The following CRACR2A variants were observed in gnomAD, a reference collection of about 807,000 sequenced individuals.
CRACR2A encodes EF-hand calcium-binding domain-containing protein 4B.
CRACR2A carries 79 observed loss-of-function variants against 90.5 expected under a neutral mutation model. The ratio of observed to expected loss-of-function variants is 0.87; its 90% CI spans 0.73 to 1.05. CRACR2A has a LOEUF of 1.05. Among genes scored for constraint, CRACR2A ranks in the 50% least tolerant of loss-of-function variants. The pLI, the probability that CRACR2A is intolerant of heterozygous loss-of-function variation, is 0.00. For missense variants in CRACR2A, 823 were observed against 897.2 expected (o/e 0.92, Z 1.06); for synonymous variants, 338 against 356.7 (o/e 0.95, Z 0.59).
intron 4 of CRACR2A, among the ~76,000 whole-genome samples, chr12:3,685,317 G>A (rs1419325609): frequency 6.6e-6 from 1 of 152,216 alleles, no homozygotes; most frequent in Non-Finnish European, 1.5e-5. Flanking sequence ...GTATAAAATG[G>A]TATGGTGTCT....
At chr12:3,659,787 A>T (rs1394904044) in intron 7 of CRACR2A, 133 bp from the exon 8 acceptor site, 4 of 686,520 alleles carry the variant, frequency 5.8e-6, no homozygotes, top group Non-Finnish European at 1.0e-5. Flanking sequence ...AGGTCAGCCA[A>T]CGCTATAAGA....
At chr12:3,698,950 C>A (rs1405319206) in intron 3 of CRACR2A, among the ~76,000 whole-genome samples, 1 of 152,164 alleles carries the variant, frequency 6.6e-6, no homozygotes, top group Non-Finnish European at 1.5e-5. Context: ...AGAGGCCCCA[C>A]CCTACTCCCA....
At chr12:3,718,438 T>C (rs1175155456) in intron 2 of CRACR2A, among the ~76,000 whole-genome samples, 1 of 152,174 alleles carries the variant, frequency 6.6e-6, no homozygotes. Context: ...CTTGGGGGGA[T>C]GGCAGAGTCT....
intron 14 of CRACR2A, among the ~76,000 whole-genome samples, chr12:3,635,442 G>A (rs975903660): frequency 1.3e-5 from 2 of 152,156 alleles, no homozygotes; most frequent in African/African-American, 2.4e-5. Flanking sequence ...ATACACAAAA[G>A]TAGAGAGGAA....
At chr12:3,683,960 T>TGA (rs1945505415) in intron 4 of CRACR2A, among the ~76,000 whole-genome samples, 1 of 152,132 alleles carries the variant, frequency 6.6e-6, no homozygotes, top group South Asian at 2.1e-4. Flanking sequence ...ACCTAGAACA[T>TGA]GAGGCATCTA....
intron 10 of CRACR2A, among the ~76,000 whole-genome samples, chr12:3,653,270 C>T (rs112668954): frequency 3.3e-4 from 51 of 152,274 alleles, no homozygotes; most frequent in African/African-American, 8.9e-4. Flanking sequence ...CGTGAGCCAC[C>T]GCGCCTGGCC....
intron 7 of CRACR2A, among the ~76,000 whole-genome samples, chr12:3,669,067 T>G (rs1945196092): frequency 6.6e-6 from 1 of 152,238 alleles, no homozygotes; most frequent in Non-Finnish European, 1.5e-5. Flanking sequence ...AGCCTAGGGC[T>G]GGCCTTTGAT....
At chr12:3,623,732 T>C (rs1944200298) in intron 17 of CRACR2A, among the ~76,000 whole-genome samples, 1 of 152,208 alleles carries the variant, frequency 6.6e-6, no homozygotes, top group South Asian at 2.1e-4. Flanking sequence ...ACAGAGGGCA[T>C]CTGCTGGGCC....
At chr12:3,652,180 T>TGA (rs1944805757) in intron 10 of CRACR2A, among the ~76,000 whole-genome samples, 1 of 151,634 alleles carries the variant, frequency 6.6e-6, no homozygotes, top group African/African-American at 2.4e-5. Flanking sequence ...CCTCATGCTG[T>TGA]GATGTGATGC....
At chr12:3,617,949 C>T (rs1215886104) in intron 18 of CRACR2A, among the ~76,000 whole-genome samples, 1 of 152,184 alleles carries the variant, frequency 6.6e-6, no homozygotes, top group African/African-American at 2.4e-5. Flanking sequence ...TCTATTTCTC[C>T]TTGTCTGCAT....
chr12:3,631,343 C>T lies in CRACR2A; in HGVS notation c.1735+2261G>A, dbSNP rs149314369. 3.6e-3 allele frequency among the ~76,000 whole-genome samples: 543 copies of T among 152,262 alleles called. 3 individuals are homozygous for T. The highest frequency in any genetic ancestry group is 0.012 in the African/African-American group (513 of 41,564). On this transcript the variant is annotated intron_variant, in intron 15 of 19. Transcript: ENST00000440314. ...CAGGGCCACAAGTCGAAAATGTAAA[C>T]GGATCCTGATTTTGTTGTCAGGAGA...
chr12:3,658,545 C>T (rs1944960084), intron 8 of CRACR2A, among the ~76,000 whole-genome samples: 1 of 152,158 alleles, frequency 6.6e-6, no homozygotes, highest in African/African-American at 2.4e-5. Flanking sequence ...GCTGACAAGC[C>T]TCCAGAGGGC....
intron 2 of CRACR2A, chr12:3,730,933 A>G (rs1224866944): frequency 2.0e-5 from 3 of 152,248 alleles, no homozygotes; most frequent in Non-Finnish European, 4.4e-5. Flanking sequence ...TGTATTGCTT[A>G]TTTGAAAAAT....
chr12:3,667,309 C>T (rs1945167372), intron 7 of CRACR2A, among the ~76,000 whole-genome samples: 1 of 152,184 alleles, frequency 6.6e-6, no homozygotes. Context: ...GCCCAGCAGC[C>T]TAGGTTGTAA....
intron 2 of CRACR2A, among the ~76,000 whole-genome samples, chr12:3,714,237 A>C (rs900933709): frequency 2.0e-5 from 3 of 152,234 alleles, no homozygotes; most frequent in Non-Finnish European, 2.9e-5. Flanking sequence ...TAGGTGCCAA[A>C]GGCAGCAACA....
chr12:3,722,532 G>C (rs914234470), intron 2 of CRACR2A, among the ~76,000 whole-genome samples: 2 of 152,116 alleles, frequency 1.3e-5, no homozygotes, highest in African/African-American at 4.8e-5. Flanking sequence ...TGTGGAGCGA[G>C]GCTGGCATCT....
intron 1 of CRACR2A, among the ~76,000 whole-genome samples, chr12:3,742,082 G>C (rs1292703590): frequency 1.3e-5 from 2 of 152,190 alleles, no homozygotes; most frequent in Admixed American, 1.3e-4. Context: ...TTAGGACAGG[G>C]AGGGCTGGAC....
chr12:3,669,066 C>T (rs891152044), intron 7 of CRACR2A, among the ~76,000 whole-genome samples: 21 of 152,244 alleles, frequency 1.4e-4, no homozygotes, highest in African/African-American at 5.1e-4. Context: ...CAGCCTAGGG[C>T]TGGCCTTTGA....
intron 1 of CRACR2A, among the ~76,000 whole-genome samples, chr12:3,751,658 G>C (rs1946706018): frequency 6.6e-6 from 1 of 152,042 alleles, no homozygotes; most frequent in African/African-American, 2.4e-5. Flanking sequence ...TCAAGGCCCG[G>C]CCTCAGTGCC....
Sources: gnomAD v4.1 joint callset for allele counts (sites outside exome capture counted in the v4.1 genomes callset) on GRCh38, gnomAD v4.1.1 for gene constraint, MANE v1.5 for transcripts, NCBI Gene and HGNC (gene_info 2026-07-23, HGNC 2026-07-21) for gene names.